Variants in UNC13C observed in about 807,000 individuals in gnomAD.
UNC13C encodes the protein protein unc-13 homolog C.
Under a neutral mutation model 245.4 loss-of-function variants are expected in UNC13C, and 174 were observed. That is an observed-to-expected ratio of 0.71 (90% confidence interval 0.63 to 0.80). UNC13C has a LOEUF of 0.80. Ranked by LOEUF, UNC13C falls within the 30% of genes least tolerant of loss-of-function variation. The pLI is 0.00. For missense variants in UNC13C, 2,829 were observed against 2,602.9 expected, an observed-to-expected ratio of 1.09 and a Z score of -1.89; for synonymous variants, 992 against 895.1, an observed-to-expected ratio of 1.11 and a Z score of -1.93.
chr15:54,267,229 C>T (rs1216345385), intron 10 of UNC13C, among the ~76,000 whole-genome samples: 2 of 144,750 alleles, frequency 1.4e-5, no homozygotes, highest in African/African-American at 2.9e-5. Flanking sequence ...ATCACGTATT[C>T]GGAATATGTT....
chr15:54,138,075 G>A (rs1006425379), intron 2 of UNC13C, among the ~76,000 whole-genome samples: 3 of 152,000 alleles, frequency 2.0e-5, no homozygotes, highest in Non-Finnish European at 4.4e-5. Context: ...TGGTTCTTCA[G>A]GAGTGTGTTG....
rs1046244576 is a variant in UNC13C, at chr15:54,206,130, T to C, written c.3072-28900T>C. ...ATTTAATCCTATAAAGAAATTGTTATTCCTGATGTTATGCACATCACAAAA... is the reference window on the plus strand; with the variant it reads ...ATTTAATCCTATAAAGAAATTGTTACTCCTGATGTTATGCACATCACAAAA... On this transcript the variant is annotated intron_variant, in intron 4 of 32. Transcript: ENST00000260323. Among the ~76,000 whole-genome samples, 3 of 152,078 alleles carry C rather than the reference T, an allele frequency of 2.0e-5. No homozygotes were observed. In the Admixed American group the frequency reaches 2.0e-4, roughly 10 times the overall value.
intron 14 of UNC13C, among the ~76,000 whole-genome samples, chr15:54,326,519 C>T (rs545571790): frequency 6.6e-6 from 1 of 151,914 alleles, no homozygotes; most frequent in South Asian, 2.1e-4. Context: ...GAAAAGAGGC[C>T]ATGGGAAGGT....
chr15:53,895,754 C>T, the UNC13C span, among the ~76,000 whole-genome samples: 3 of 152,130 alleles, frequency 2.0e-5, no homozygotes, highest in African/African-American at 7.2e-5. Context: ...ACTATTTCCT[C>T]CAGTTTTATA....
At chr15:54,615,594 T>C (rs1213397925) in intron 30 of UNC13C, among the ~76,000 whole-genome samples, 1 of 152,092 alleles carries the variant, frequency 6.6e-6, no homozygotes, top group Non-Finnish European at 1.5e-5. Flanking sequence ...TTGCTAGTAA[T>C]TGTGGTGCAT....
At chr15:53,984,316 C>A (rs573381019) in intron 1 of UNC13C, among the ~76,000 whole-genome samples, 44 of 152,108 alleles carry the variant, frequency 2.9e-4, no homozygotes, top group Non-Finnish European at 6.0e-4. Flanking sequence ...CAGATACTGA[C>A]ATTTTATACA....
intron 13 of UNC13C, among the ~76,000 whole-genome samples, chr15:54,310,388 C>A (rs1188599025): frequency 1.3e-5 from 2 of 151,886 alleles, no homozygotes; most frequent in Non-Finnish European, 2.9e-5. Flanking sequence ...GAAAGCTCTG[C>A]AAAGAGCAAT....
intron 30 of UNC13C, among the ~76,000 whole-genome samples, chr15:54,590,253 T>C (rs372122877): frequency 2.6e-4 from 39 of 152,300 alleles, no homozygotes; most frequent in Middle Eastern, 3.4e-3. Flanking sequence ...TTTTCCTTAG[T>C]CTTGCTTTGG....
At chr15:54,104,688 GTT>G (rs35275247) in intron 2 of UNC13C, among the ~76,000 whole-genome samples, 49 of 150,162 alleles carry the variant, frequency 3.3e-4, no homozygotes, top group African/African-American at 1.1e-3. Flanking sequence ...TATATTTACA[GTT>G]TTTTTTTTAA....
chr15:54,276,391 C>T (rs2036833035), intron 10 of UNC13C, among the ~76,000 whole-genome samples: 1 of 151,904 alleles, frequency 6.6e-6, no homozygotes. Flanking sequence ...CTAATTACAC[C>T]CCACAAATTC....
chr15:53,904,193 A>C, the UNC13C span, among the ~76,000 whole-genome samples: 1 of 152,024 alleles, frequency 6.6e-6, no homozygotes, highest in Non-Finnish European at 1.5e-5. Flanking sequence ...GAGATGGTAG[A>C]CTCTCTTGGT....
intron 2 of UNC13C, among the ~76,000 whole-genome samples, chr15:54,062,126 C>T (rs1566984040): frequency 6.6e-6 from 1 of 151,746 alleles, no homozygotes. Context: ...TGGAAACCAG[C>T]CTGGCCAGCA....
At chr15:53,850,764 T>C in the UNC13C span, among the ~76,000 whole-genome samples, 9 of 152,116 alleles carry the variant, frequency 5.9e-5, no homozygotes, top group South Asian at 1.9e-3. Context: ...TTTCTTTTTT[T>C]TCTTCTTTCC....
At chr15:54,334,874 T>C (rs1353398796) in intron 16 of UNC13C, among the ~76,000 whole-genome samples, 1 of 152,098 alleles carries the variant, frequency 6.6e-6, no homozygotes, top group African/African-American at 2.4e-5. Context: ...AGCACAGTGC[T>C]ACCCATCTAC....
intron 18 of UNC13C, among the ~76,000 whole-genome samples, chr15:54,414,342 G>T (rs1369688875): frequency 6.6e-6 from 1 of 152,168 alleles, no homozygotes; most frequent in Non-Finnish European, 1.5e-5. Flanking sequence ...ATCCTCAAAA[G>T]TGAGACATAA....
intron 4 of UNC13C, among the ~76,000 whole-genome samples, chr15:54,227,432 C>T (rs1273094504): frequency 1.3e-5 from 2 of 152,210 alleles, no homozygotes; most frequent in Non-Finnish European, 2.9e-5. Context: ...ACGTACCATT[C>T]ATGGCACCCA....
At chr15:54,301,688 T>C (rs187335051) in intron 13 of UNC13C, among the ~76,000 whole-genome samples, 12 of 152,304 alleles carry the variant, frequency 7.9e-5, no homozygotes, top group Middle Eastern at 3.4e-3. Context: ...CAGTTTATCA[T>C]TGATGGGCAT....
chr15:54,404,139 T>C (rs2040245081), intron 18 of UNC13C, among the ~76,000 whole-genome samples: 3 of 152,220 alleles, frequency 2.0e-5, no homozygotes, highest in Admixed American at 2.0e-4. Flanking sequence ...TCTTAAGTTC[T>C]AGCTATGACA....
Position 54,512,419 on chromosome 15 carries a change from C to T in UNC13C, c.5457+589C>T, listed in dbSNP as rs1253205933. 22 of 455,308 alleles carry T rather than the reference C, an allele frequency of 4.8e-5. No homozygotes were observed. The East Asian group carries it at 1.3e-3, about 26-fold the overall frequency. The allele number at this position is 455,308 out of a possible 1,614,324, so 28.2% of individuals were successfully genotyped here. On this transcript the variant is annotated intron_variant, in intron 24 of 32. Coordinates refer to ENST00000260323, the MANE Select transcript of UNC13C (RefSeq NM_001080534.3). ...ATCTTATCCCTTACCTGGCTGTTCC[C>T]TCCAACCCTCACTCCATACCTAAAG...
Sources: gnomAD v4.1 joint callset for allele counts (sites outside exome capture counted in the v4.1 genomes callset) on GRCh38, gnomAD v4.1.1 for gene constraint, MANE v1.5 for transcripts, NCBI Gene and HGNC (gene_info 2026-07-23, HGNC 2026-07-21) for gene names.